PDHB: variants seen among roughly 807,000 people sequenced by gnomAD.
PDHB encodes pyruvate dehydrogenase E1 subunit beta.
A neutral mutation model predicts 42.8 loss-of-function variants in PDHB; 17 were observed. The observed-to-expected ratio is 0.40, with a 90% CI of 0.27 to 0.60. The LOEUF (loss-of-function observed/expected upper bound fraction) is 0.60. Among genes scored for constraint, PDHB ranks in the 20% least tolerant of loss-of-function variants. The pLI, the probability that PDHB is intolerant of heterozygous loss-of-function variation, is 0.46. For missense variants in PDHB, 322 were observed against 451.3 expected, an observed-to-expected ratio of 0.71 and a Z score of 2.60; for synonymous variants, 154 against 148.7, an observed-to-expected ratio of 1.04 and a Z score of -0.26.
At chr3:58,433,513 C>G (rs541063777) in intron 2 of PDHB, 118 bp downstream of exon 2, 40 of 1,140,990 alleles carry the variant, frequency 3.5e-5, no homozygotes, top group Non-Finnish European at 4.8e-5. Flanking sequence ...GATGCTGGCT[C>G]CGCAAACCCA....
At chr3:58,433,361 T>C in intron 2 of PDHB, 1 of 593,094 alleles carries the variant, frequency 1.7e-6, no homozygotes, top group East Asian at 2.8e-5. Context: ...TCTATTTTGC[T>C]GCAATTTAAA....
chr3:58,429,563 A>T, intron 8 of PDHB, 145 bp downstream of exon 8: 2 of 707,498 alleles, frequency 2.8e-6, no homozygotes, highest in Non-Finnish European at 2.6e-6. Context: ...TGTGAACTGC[A>T]GGCAGGTTCC....
chr3:58,433,760 C>T lies in PDHB; in HGVS notation c.42+8G>A. ...GCGTGGGAATACAGGCCGCGCGCTG[C>T]TGCCTACCTCCCGAAGGGGTCTCCG... is the stretch of plus-strand genomic sequence containing the variant. On this transcript the variant is annotated splice_region_variant and intron_variant, in intron 1 of 9. Transcript: ENST00000302746. The T allele has an allele frequency of 1.9e-6, 3 of 1,612,362 alleles. No homozygotes were observed. The highest frequency in any genetic ancestry group is 2.5e-6 in the Non-Finnish European group (3 of 1,179,628).
Position 58,433,783 on chromosome 3 carries a change from C to A in PDHB, c.27G>T (p.Arg9=), listed in dbSNP as rs1576959597. 1 of 1,612,226 alleles carries A rather than the reference C, an allele frequency of 6.2e-7. No individual in the cohort carries two copies. Among genetic ancestry groups the A allele is most frequent in the Non-Finnish European group, 8.5e-7 (1 of 1,179,612 alleles). The part of the protein sequence containing the change: MAAVSGLV[R]RPLREVSGLL... ...TGCTGCCTACCTCCCGAAGGGGTCT[C>A]CGCACCAAGCCAGACACCGCCGCCA... The change falls in exon 1 of 10, where the codon CGG becomes CGT. Residue 9 remains arginine, a synonymous_variant. Coordinates refer to ENST00000302746, the MANE Select transcript of PDHB (RefSeq NM_000925.4).
At chr3:58,433,298 T>C (rs2062939995) in intron 2 of PDHB, 3 of 493,506 alleles carry the variant, frequency 6.1e-6, no homozygotes, top group South Asian at 4.6e-5. Flanking sequence ...ACATGGTGAA[T>C]GTACTTAATG....
rs781736851 is a variant in PDHB, at chr3:58,431,721, G to T, written c.267+10C>A. The T allele has an allele frequency of 1.7e-5, 28 of 1,611,742 alleles. No individual in the cohort carries two copies. Among genetic ancestry groups the T allele is most frequent in the East Asian group, 2.2e-5 (1 of 44,874 alleles). ...GCCCTCCAGGGTCTGCTTCCCACTGGAAGGCTTACCTCTGATATGGGAGTG... is the reference window on the plus strand; with the variant it reads ...GCCCTCCAGGGTCTGCTTCCCACTGTAAGGCTTACCTCTGATATGGGAGTG... On this transcript the variant is annotated intron_variant, in intron 4 of 9. Coordinates refer to ENST00000302746, the MANE Select transcript of PDHB (RefSeq NM_000925.4). The surrounding 1 kb of genome is among the most constrained non-coding windows in gnomAD (Gnocchi z 4.4).
chr3:58,431,910 TC>T lies in PDHB; in HGVS notation c.170del (p.Gly57GlufsTer41). 6.2e-7 allele frequency: 1 copy of T among 1,614,024 alleles called. No homozygotes were observed. Among genetic ancestry groups the T allele is most frequent in the Non-Finnish European group, 8.5e-7 (1 of 1,179,864 alleles). On this transcript the variant is annotated frameshift_variant, in exon 3 of 10. Transcript: ENST00000302746. LOFTEE classifies it high-confidence loss of function. This position sits in a 1 kb window ranked among gnomAD's most constrained non-coding sequence, Gnocchi z 4.4. ...CCCCATCATACTGGGCAACTTCTTC[TC>T]CAAGCAGAAATACCTTCTCATCTCT... Reference protein sequence around the residue: ...LERDEKVFLLGEEVAQYDGAY... With the variant: ...LERDEKVFLLXEEVAQYDGAY...
Position 58,431,857 on chromosome 3 carries a change from C to G in PDHB, c.204+20G>C, listed in dbSNP as rs1459803548. The G allele has an allele frequency of 6.2e-7, 1 of 1,607,942 alleles. No homozygotes were observed. Among genetic ancestry groups the G allele is most frequent in the Admixed American group, 1.7e-5 (1 of 59,998 alleles). The stretch of plus-strand genomic sequence containing the variant: ...TAACAGTGACCTCAATTTTGTATAA[C>G]TTTCATATATTTTAGTTACCTTGTA... On this transcript the variant is annotated intron_variant, in intron 3 of 9. Transcript: ENST00000302746. The surrounding 1 kb of genome is among the most constrained non-coding windows in gnomAD (Gnocchi z 4.4).
At position 58,427,861 on chromosome 3, in the gene PDHB, G is replaced by C. The variant is rs546485141; in HGVS notation, c.*173C>G. The C allele has an allele frequency of 1.5e-6, 1 of 673,032 alleles. No homozygotes were observed. Among genetic ancestry groups the C allele is most frequent in the African/African-American group, 1.8e-5 (1 of 56,666 alleles). The allele number at this position is 673,032 out of a possible 1,614,324, so 41.7% of individuals were successfully genotyped here. A position where few individuals can be genotyped will look rare whatever the true frequency, so the allele number is the denominator to read the frequency against. The stretch of plus-strand genomic sequence containing the variant: ...AGGAAGCATGGCATCTAGGGGAGGA[G>C]AGTGGAGAGTTTTCCATACACAAAC... On this transcript the variant is annotated 3_prime_UTR_variant, in exon 10 of 10. Coordinates refer to ENST00000302746, the MANE Select transcript of PDHB (RefSeq NM_000925.4).
At chr3:58,428,330 T>G in intron 9 of PDHB, 143 bp downstream of exon 9, 1 of 1,211,422 alleles carries the variant, frequency 8.3e-7, no homozygotes, top group Non-Finnish European at 1.2e-6. Context: ...AATATCTGCC[T>G]GAAGAGAAAT....
At chr3:58,430,987 ACAAACAGTAG>A (rs1254270786) in intron 5 of PDHB, 45 bp from the exon 6 acceptor site, 3 of 1,554,378 alleles carry the variant, frequency 1.9e-6, no homozygotes, top group Non-Finnish European at 2.7e-6. Flanking sequence ...AGAAACAGCA[ACAAACAGTAG>A]CAAACAAATC....
chr3:58,430,520 A>G (rs1368552231), intron 6 of PDHB, 137 bp downstream of exon 6: 9 of 798,040 alleles, frequency 1.1e-5, no homozygotes, highest in Non-Finnish European at 1.9e-5. Flanking sequence ...ATTCTTTACT[A>G]TCTTTACTAT....
At position 58,433,756 on chromosome 3, in the gene PDHB, G is replaced by T; in HGVS notation, c.42+12C>A. ...GGTCGCGTGGGAATACAGGCCGCGC[G>T]CTGCTGCCTACCTCCCGAAGGGGTC... On this transcript the variant is annotated intron_variant, in intron 1 of 9. Coordinates refer to ENST00000302746, the MANE Select transcript of PDHB (RefSeq NM_000925.4). 1.2e-6 allele frequency: 2 copies of T among 1,612,250 alleles called. No homozygotes were observed. The highest frequency in any genetic ancestry group is 1.7e-5 in the Admixed American group (1 of 59,908).
At chr3:58,428,845 A>G (rs906521195) in intron 8 of PDHB, 2 of 544,076 alleles carry the variant, frequency 3.7e-6, no homozygotes, top group Non-Finnish European at 6.5e-6. Flanking sequence ...GGATTCATTT[A>G]TCTTCCTTCA....
In PDHB at chr3:58,431,188, GCAC is replaced by G. The variant is rs1449847335; in HGVS notation, c.304-249_304-247del. On this transcript the variant is annotated intron_variant, in intron 5 of 9. Coordinates refer to ENST00000302746, the MANE Select transcript of PDHB (RefSeq NM_000925.4). The surrounding 1 kb of genome is among the most constrained non-coding windows in gnomAD (Gnocchi z 4.4). ...CCCGAGTAGCTGGGACTGCAGGCAA[GCAC>G]CACCACATCTACCTACTTGGTATTT... The G allele has an allele frequency of 3.6e-6, 2 of 556,692 alleles. No individual in the cohort carries two copies. Among genetic ancestry groups the G allele is most frequent in the Non-Finnish European group, 3.2e-6 (1 of 313,122 alleles). The allele number at this position is 556,692 out of a possible 1,614,324, so 34.5% of individuals were successfully genotyped here.
chr3:58,431,641 A>G lies in PDHB; in HGVS notation c.268-13T>C. ...CAGCAAAGCCCATCTATAAAGTAAA[A>G]TATAAACATAAGTGAAAATCCATAA... On this transcript the variant is annotated splice_polypyrimidine_tract_variant and intron_variant, in intron 4 of 9. Coordinates refer to ENST00000302746, the MANE Select transcript of PDHB (RefSeq NM_000925.4). This position sits in a 1 kb window ranked among gnomAD's most constrained non-coding sequence, Gnocchi z 4.4. 6.2e-7 allele frequency: 1 copy of G among 1,609,254 alleles called. No individual in the cohort carries two copies. The highest frequency in any genetic ancestry group is 8.5e-7 in the Non-Finnish European group (1 of 1,175,938).
rs755616546 is a variant in PDHB at position 58,428,112 on chromosome 3, A to G, written c.1002T>C (p.Tyr334=). Reference sequence around the variant, plus strand: ...TAGAGTTGTCCTCTAGAATCTTTGCATAAGGCATAGGGACATCAGCACCAG... The same window carrying G: ...TAGAGTTGTCCTCTAGAATCTTTGCGTAAGGCATAGGGACATCAGCACCAG... The part of the protein sequence containing the change: ...RVTGADVPMP[Y]AKILEDNSIP... Residue 334 remains tyrosine, a synonymous_variant, in exon 10 of 10, where the codon TAT becomes TAC. Coordinates refer to ENST00000302746, the MANE Select transcript of PDHB (RefSeq NM_000925.4). The G allele has an allele frequency of 1.7e-5, 27 of 1,612,316 alleles. No individual in the cohort carries two copies. Among genetic ancestry groups the G allele is most frequent in the African/African-American group, 2.7e-5 (2 of 74,900 alleles).
Position 58,428,027 on chromosome 3 carries a change from G to C in PDHB, c.*7C>G, listed in dbSNP as rs374476885. ...TAAATTTCAACGACTTGATATTCAA[G>C]TCCAAACTAAATATTTAATGTTTTC... On this transcript the variant is annotated 3_prime_UTR_variant, in exon 10 of 10. Coordinates refer to ENST00000302746, the MANE Select transcript of PDHB (RefSeq NM_000925.4). The C allele has an allele frequency of 3.8e-5, 60 of 1,595,886 alleles. No individual in the cohort carries two copies. The highest frequency in any genetic ancestry group is 4.9e-5 in the Non-Finnish European group (57 of 1,163,756).
Position 58,433,830 on chromosome 3 carries a change from G to T in PDHB, c.-21C>A. On this transcript the variant is annotated 5_prime_UTR_variant, in exon 1 of 10. Transcript: ENST00000302746. The stretch of plus-strand genomic sequence containing the variant: ...GCCATCTTGGTCGTGTCCTCTATCC[G>T]CTGCCAAACGACAACAGAGGGGCCG... The T allele has an allele frequency of 6.2e-7, 1 of 1,606,704 alleles. No homozygotes were observed.
Sources: gnomAD v4.1 joint callset for allele counts on GRCh38, gnomAD v4.1.1 for gene constraint, Gnocchi (gnomAD v3.1) non-coding constraint, MANE v1.5 for transcripts, NCBI Gene and HGNC (gene_info 2026-07-23, HGNC 2026-07-21) for gene names.